Variants in PTPRD observed in about 807,000 individuals in gnomAD.
PTPRD encodes the protein receptor-type tyrosine-protein phosphatase delta.
PTPRD carries 34 observed loss-of-function variants against 214.5 expected under a neutral mutation model. The observed-to-expected ratio is 0.16, with a 90% confidence interval of 0.12 to 0.21. The LOEUF is 0.21. Ranked by LOEUF, PTPRD falls within the 10% of genes least tolerant of loss-of-function variation. PTPRD has a pLI of 1.00. For synonymous variants in PTPRD, 1,128 were observed against 845.7 expected, an observed-to-expected ratio of 1.33 and a Z score of -5.79; for missense variants, 2,545 against 2,398.7, an observed-to-expected ratio of 1.06 and a Z score of -1.27.
chr9:8,731,620 GT>G (rs1363214212), intron 12 of PTPRD, among the ~76,000 whole-genome samples: 1 of 152,124 alleles, frequency 6.6e-6, no homozygotes, highest in Non-Finnish European at 1.5e-5. Flanking sequence ...TTTACCAATT[GT>G]TTTTAAACAT....
intron 14 of PTPRD, among the ~76,000 whole-genome samples, chr9:8,587,164 C>T (rs1054998696): frequency 3.9e-5 from 6 of 152,094 alleles, no homozygotes; most frequent in South Asian, 4.2e-4. Context: ...AACAAACAAA[C>T]GAACACAAAA....
chr9:10,073,431 G>A (rs1201912175), intron 3 of PTPRD, among the ~76,000 whole-genome samples: 1 of 152,048 alleles, frequency 6.6e-6, no homozygotes, highest in Admixed American at 6.6e-5. Flanking sequence ...CAGCCAAGAG[G>A]AGCCTACAGA....
chr9:8,981,295 G>A (rs12552498), intron 11 of PTPRD, among the ~76,000 whole-genome samples: 10,706 of 151,850 alleles, frequency 0.071, 710 homozygotes, highest in East Asian at 0.26. Flanking sequence ...TTATTTTTAG[G>A]AAAAGTTTTT....
intron 4 of PTPRD, among the ~76,000 whole-genome samples, chr9:10,004,654 A>G (rs1224110098): frequency 6.6e-6 from 1 of 152,060 alleles, no homozygotes; most frequent in Non-Finnish European, 1.5e-5. Context: ...ACACACACAC[A>G]GTGTAAACAT....
At chr9:10,501,414 T>C (rs943102513) in intron 2 of PTPRD, among the ~76,000 whole-genome samples, 1 of 152,010 alleles carries the variant, frequency 6.6e-6, no homozygotes, top group Non-Finnish European at 1.5e-5. Flanking sequence ...CTGAGCTCCT[T>C]ATATATTCTG....
At chr9:9,245,646 C>T (rs1318032615) in intron 9 of PTPRD, among the ~76,000 whole-genome samples, 1 of 152,034 alleles carries the variant, frequency 6.6e-6, no homozygotes. Context: ...GGAGGGATAG[C>T]ATTAGGAGAT....
At chr9:9,285,158 A>G (rs1045058114) in intron 9 of PTPRD, among the ~76,000 whole-genome samples, 2 of 151,798 alleles carry the variant, frequency 1.3e-5, no homozygotes, top group Admixed American at 1.3e-4. Context: ...TTCTTTTACA[A>G]TGGAAAATAT....
intron 12 of PTPRD, among the ~76,000 whole-genome samples, chr9:8,642,386 G>C (rs71507657): frequency 1.3e-5 from 2 of 152,138 alleles, no homozygotes; most frequent in African/African-American, 2.4e-5. Flanking sequence ...AGGGCTGTTT[G>C]TCATAACAAT....
chr9:9,907,678 A>G (rs916205382), intron 5 of PTPRD, among the ~76,000 whole-genome samples: 1 of 152,004 alleles, frequency 6.6e-6, no homozygotes, highest in African/African-American at 2.4e-5. Context: ...GGGAGACACA[A>G]TTCAGTCCCA....
chr9:8,695,381 C>G (rs1415042813), intron 12 of PTPRD, among the ~76,000 whole-genome samples: 1 of 152,044 alleles, frequency 6.6e-6, no homozygotes, highest in Non-Finnish European at 1.5e-5. Context: ...ACTTAGGAGC[C>G]AGCCCCACCC....
intron 11 of PTPRD, among the ~76,000 whole-genome samples, chr9:9,008,525 C>T (rs1048474177): frequency 1.3e-5 from 2 of 152,156 alleles, no homozygotes; most frequent in African/African-American, 4.8e-5. Flanking sequence ...CGCGCCCGGC[C>T]TCCCCTTCAT....
chr9:10,439,054 G>A (rs1239073401), intron 2 of PTPRD, among the ~76,000 whole-genome samples: 2 of 151,774 alleles, frequency 1.3e-5, no homozygotes, highest in Non-Finnish European at 2.9e-5. Flanking sequence ...GCAGAGGTCT[G>A]AAAAGTGCTT....
intron 2 of PTPRD, among the ~76,000 whole-genome samples, chr9:10,519,200 C>G (rs929729271): frequency 8.4e-6 from 1 of 119,272 alleles, no homozygotes; most frequent in Admixed American, 1.2e-4. Context: ...CACAAAAAAT[C>G]TAGGTCATTT....
At chr9:9,696,005 T>G (rs781332684) in intron 7 of PTPRD, among the ~76,000 whole-genome samples, 1 of 152,142 alleles carries the variant, frequency 6.6e-6, no homozygotes, top group Non-Finnish European at 1.5e-5. Context: ...AATTCAGCAG[T>G]GAAGTCATTA....
chr9:9,027,333 C>T (rs954555931), intron 10 of PTPRD, among the ~76,000 whole-genome samples: 1 of 151,760 alleles, frequency 6.6e-6, no homozygotes, highest in Non-Finnish European at 1.5e-5. Context: ...CAGCTTTTAT[C>T]CATTTGACAA....
At chr9:8,431,696 CAA>C (rs1220471336) in intron 35 of PTPRD, among the ~76,000 whole-genome samples, 4 of 152,184 alleles carry the variant, frequency 2.6e-5, no homozygotes, top group Admixed American at 1.3e-4. Context: ...GCACCTGCAT[CAA>C]AGTCACCTGA....
intron 3 of PTPRD, among the ~76,000 whole-genome samples, chr9:10,060,892 C>A (rs988471688): frequency 1.1e-5 from 1 of 87,986 alleles, no homozygotes; most frequent in Admixed American, 1.1e-4. Context: ...TTCCTTCCTT[C>A]CTTCCTTCTT....
chr9:9,564,629 G>A (rs927306154), intron 8 of PTPRD, among the ~76,000 whole-genome samples: 21 of 151,814 alleles, frequency 1.4e-4, no homozygotes, highest in Middle Eastern at 3.4e-3. Flanking sequence ...CAAAATCTTC[G>A]AATCCTGGGG....
At position 8,948,440 on chromosome 9, in the gene PTPRD, CATA is replaced by C. The variant is rs1567181663; in HGVS notation, c.-104+70254_-104+70256del. Among the ~76,000 whole-genome samples the C allele has an allele frequency of 1.1e-3, 7 of 6,190 alleles. 1 individual carries two copies. Among genetic ancestry groups the C allele is most frequent in the Non-Finnish European group, 2.6e-3 (7 of 2,706 alleles). 4.1% of individuals were successfully genotyped at this position (6,190 alleles called of 152,430 possible). On this transcript the variant is annotated intron_variant, in intron 11 of 45. Transcript: ENST00000381196. ...ATATATATATTTATATATATATTTA[CATA>C]TATATATATTTATATATATATTTAC...
Sources: allele counts gnomAD v4.1 joint callset (sites outside exome capture counted in the v4.1 genomes callset), GRCh38; gene constraint gnomAD v4.1.1; transcripts MANE v1.5; gene names NCBI Gene and HGNC (gene_info 2026-07-23, HGNC 2026-07-21).